Variants in OR10G3 observed in about 807,000 individuals in gnomAD.
The protein encoded by OR10G3 is olfactory receptor 10G3.
In OR10G3, 8 loss-of-function variants were observed where a neutral mutation model predicts 13.4. The ratio of observed to expected loss-of-function variants is 0.60; its 90% CI spans 0.35 to 1.08. OR10G3 has a LOEUF of 1.08. Ranked by LOEUF, OR10G3 falls within the 50% of genes least tolerant of loss-of-function variation. OR10G3 has a pLI of 0.02. For missense variants in OR10G3, 393 were observed against 386.6 expected (o/e 1.02, Z -0.14); for synonymous variants, 142 against 156.1 (o/e 0.91, Z 0.67).
Position 21,569,522 on chromosome 14 carries a change from CA to C in OR10G3, c.*280del. On this transcript the variant is annotated 3_prime_UTR_variant, in exon 2 of 2. Transcript: ENST00000641040. ...GGTGTGGGAGAATTTATTACTGAGA[CA>C]TTGGAAAATACACTATTGCATTCTT... is the stretch of plus-strand genomic sequence containing the variant. 1 of 305,722 alleles carries C rather than the reference CA, an allele frequency of 3.3e-6. No individual in the cohort carries two copies. The allele number at this position is 305,722 out of a possible 1,614,324, so 18.9% of individuals were successfully genotyped here. A position where few individuals can be genotyped will look rare whatever the true frequency, so the allele number is the denominator to read the frequency against.
chr14:21,575,382 CAA>C (rs567365130), intron 1 of OR10G3, among the ~76,000 whole-genome samples: 92 of 127,156 alleles, frequency 7.2e-4, no homozygotes, highest in Admixed American at 2.3e-3. Flanking sequence ...TGCCTGGCCT[CAA>C]GTCTTTTTTT....
At chr14:21,570,943 C>T (rs1480778978) in intron 1 of OR10G3, among the ~76,000 whole-genome samples, 182 bp from the exon 2 acceptor site, 1 of 152,214 alleles carries the variant, frequency 6.6e-6, no homozygotes, top group Non-Finnish European at 1.5e-5. Context: ...TATTGGAACA[C>T]AGCCTTGCTC....
intron 1 of OR10G3, among the ~76,000 whole-genome samples, chr14:21,576,211 A>G (rs779715265): frequency 6.6e-6 from 1 of 152,208 alleles, no homozygotes; most frequent in African/African-American, 2.4e-5. Flanking sequence ...AGTTCACACT[A>G]TTCAAGTACC....
In OR10G3 at chr14:21,569,247, T is replaced by G. The variant is rs1172423774; in HGVS notation, c.*556A>C. The G allele has an allele frequency of 6.5e-6, 1 of 152,888 alleles. No homozygotes were observed. Among genetic ancestry groups the G allele is most frequent in the African/African-American group, 2.4e-5 (1 of 41,392 alleles). The allele number at this position is 152,888 out of a possible 1,614,324, so 9.5% of individuals were successfully genotyped here. On this transcript the variant is annotated 3_prime_UTR_variant, in exon 2 of 2. Coordinates refer to ENST00000641040, the MANE Select transcript of OR10G3 (RefSeq NM_001005465.2). ...GGCTGGGAGGCTAGGCCAGTCTTTC[T>G]TTTCACATTTTTCTGCCTGCTTATA...
intron 1 of OR10G3, among the ~76,000 whole-genome samples, chr14:21,573,211 C>T (rs1748395375): frequency 6.6e-6 from 1 of 151,908 alleles, no homozygotes; most frequent in African/African-American, 2.4e-5. Context: ...ACCTGGAAGA[C>T]ATTATATTAA....
chr14:21,574,025 T>C (rs1893099962), intron 1 of OR10G3, among the ~76,000 whole-genome samples: 1 of 152,008 alleles, frequency 6.6e-6, no homozygotes, highest in Non-Finnish European at 1.5e-5. Context: ...TTGATTTGGC[T>C]GGGCGCGGTG....
intron 1 of OR10G3, among the ~76,000 whole-genome samples, chr14:21,577,812 G>C (rs1479909377): frequency 1.3e-5 from 2 of 151,964 alleles, no homozygotes; most frequent in Admixed American, 6.6e-5. Flanking sequence ...TGATCAGCCT[G>C]ACCAACGTGA....
intron 1 of OR10G3, among the ~76,000 whole-genome samples, chr14:21,578,037 G>A (rs941873112): frequency 2.0e-5 from 3 of 151,824 alleles, no homozygotes; most frequent in East Asian, 1.9e-4. Flanking sequence ...GCTTAGTAGT[G>A]TTTTTATTTC....
At chr14:21,577,786 A>G (rs1462349602) in intron 1 of OR10G3, among the ~76,000 whole-genome samples, 2 of 152,176 alleles carry the variant, frequency 1.3e-5, no homozygotes, top group African/African-American at 4.8e-5. Flanking sequence ...AGGCGGGCAG[A>G]TCACCTGAGG....
In OR10G3 at chr14:21,570,089, T is replaced by C. The variant is rs1324663021; in HGVS notation, c.656A>G (p.Tyr219Cys). 1.2e-6 allele frequency: 2 copies of C among 1,614,130 alleles called. No homozygotes were observed. Among genetic ancestry groups the C allele is most frequent in the Non-Finnish European group, 1.7e-6 (2 of 1,180,024 alleles). ...ASCFSLILLSYIQIIQAILRI... is the reference protein window; with the variant it reads ...ASCFSLILLSCIQIIQAILRI... ...CAGGATGGCCTGAATGATCTGTATGTAGGAGAGGAGGATCAGGGAGAAGCA... is the reference window on the plus strand; with the variant it reads ...CAGGATGGCCTGAATGATCTGTATGCAGGAGAGGAGGATCAGGGAGAAGCA... Residue 219 changes from tyrosine to cysteine, a missense_variant, in exon 2 of 2, where the codon TAC (tyrosine) becomes TGC (cysteine). Physicochemically the swap from Tyr to Cys is radical, Grantham distance 194. Coordinates refer to ENST00000641040, the MANE Select transcript of OR10G3 (RefSeq NM_001005465.2).
chr14:21,569,741 G>T lies in OR10G3; in HGVS notation c.*62C>A. 1.4e-6 allele frequency: 2 copies of T among 1,382,478 alleles called. No individual in the cohort carries two copies. The highest frequency in any genetic ancestry group is 9.9e-7 in the Non-Finnish European group (1 of 1,009,574). The allele number at this position is 1,382,478 out of a possible 1,614,324, so 85.6% of individuals were successfully genotyped here. A position where few individuals can be genotyped will look rare whatever the true frequency, so the allele number is the denominator to read the frequency against. The stretch of plus-strand genomic sequence containing the variant: ...ACAAGAAGAAAAGAAAAAAGTTACC[G>T]AAGCCTAAACATTATAATAAATTCT... On this transcript the variant is annotated 3_prime_UTR_variant, in exon 2 of 2. Transcript: ENST00000641040.
At chr14:21,573,146 T>A (rs1893089771) in intron 1 of OR10G3, among the ~76,000 whole-genome samples, 1 of 152,280 alleles carries the variant, frequency 6.6e-6, no homozygotes, top group Admixed American at 6.5e-5. Context: ...TTCAACAGAA[T>A]ACTATTCAGC....
chr14:21,575,136 C>T (rs1893113368), intron 1 of OR10G3, among the ~76,000 whole-genome samples: 1 of 152,174 alleles, frequency 6.6e-6, no homozygotes, highest in Admixed American at 6.5e-5. Flanking sequence ...GGCTGGAGTG[C>T]AGTGGTGCGA....
intron 1 of OR10G3, among the ~76,000 whole-genome samples, chr14:21,575,889 G>A (rs964819682): frequency 6.6e-6 from 1 of 152,164 alleles, no homozygotes; most frequent in South Asian, 2.1e-4. Context: ...GGATCACAGC[G>A]ATGGCTGAAC....
chr14:21,570,982 T>C (rs1893062793), intron 1 of OR10G3, among the ~76,000 whole-genome samples: 1 of 152,212 alleles, frequency 6.6e-6, no homozygotes, highest in Non-Finnish European at 1.5e-5. Context: ...CGTAACTGTT[T>C]TGGAGCTACT....
intron 1 of OR10G3, among the ~76,000 whole-genome samples, chr14:21,571,780 T>C (rs918107139): frequency 1.3e-4 from 19 of 151,972 alleles, no homozygotes; most frequent in African/African-American, 3.9e-4. Context: ...GTTTAAGCAA[T>C]TCTCATGCCT....
At chr14:21,571,092 G>A (rs972169144) in intron 1 of OR10G3, among the ~76,000 whole-genome samples, 1 of 152,170 alleles carries the variant, frequency 6.6e-6, no homozygotes, top group Non-Finnish European at 1.5e-5. Flanking sequence ...TGTACTTAGA[G>A]CACTTTTTCC....
At chr14:21,575,983 T>C (rs751494694) in intron 1 of OR10G3, among the ~76,000 whole-genome samples, 1 of 152,186 alleles carries the variant, frequency 6.6e-6, no homozygotes, top group Non-Finnish European at 1.5e-5. Context: ...CTTCAGAAAG[T>C]ACAGAGGCTC....
At chr14:21,575,163 C>G (rs1893113642) in intron 1 of OR10G3, among the ~76,000 whole-genome samples, 1 of 151,926 alleles carries the variant, frequency 6.6e-6, no homozygotes, top group Non-Finnish European at 1.5e-5. Context: ...CTCACTGCAA[C>G]ATCCGCCTCC....
Sources: gnomAD v4.1 joint callset for allele counts (sites outside exome capture counted in the v4.1 genomes callset) on GRCh38, gnomAD v4.1.1 for gene constraint, MANE v1.5 for transcripts, NCBI Gene and HGNC (gene_info 2026-07-23, HGNC 2026-07-21) for gene names.